Variants in E2F1 observed in about 807,000 individuals in gnomAD.
E2F1 encodes the protein E2F transcription factor 1, also known as transcription factor E2F1.
A neutral mutation model predicts 36.9 loss-of-function variants in E2F1; 7 were observed. The ratio of observed to expected loss-of-function variants is 0.19; its 90% confidence interval spans 0.11 to 0.36. The LOEUF (loss-of-function observed/expected upper bound fraction) is 0.36. Ranked by LOEUF, E2F1 falls within the 10% of genes least tolerant of loss-of-function variation. The pLI is 1.00. For synonymous variants in E2F1, 261 were observed against 263.1 expected, an observed-to-expected ratio of 0.99 and a Z score of 0.08; for missense variants, 406 against 573.6, an observed-to-expected ratio of 0.71 and a Z score of 2.99.
intron 2 of E2F1, 66 bp downstream of exon 2, chr20:33,680,260 G>A (rs1441255464): frequency 6.6e-7 from 1 of 1,517,736 alleles, no homozygotes; most frequent in African/African-American, 1.4e-5. Context: ...AAGCATGTTT[G>A]TCTGTTCACA....
intron 4 of E2F1, 23 bp from the exon 5 acceptor site, chr20:33,677,563 T>A (rs1445928283): frequency 6.3e-7 from 1 of 1,587,366 alleles, no homozygotes; most frequent in African/African-American, 1.3e-5. Context: ...AAGGACCACA[T>A]GACCTTTGAC....
chr20:33,682,150 C>T (rs1466069729), intron 1 of E2F1, among the ~76,000 whole-genome samples: 1 of 152,188 alleles, frequency 6.6e-6, no homozygotes, highest in Non-Finnish European at 1.5e-5. Context: ...ATCTCACCCT[C>T]AGAGGTGTCT....
rs554955048 is a variant in E2F1, at chr20:33,675,547, C to T, written c.*1185G>A. 3.2e-5 allele frequency: 5 copies of T among 155,434 alleles called. No individual in the cohort carries two copies. The Admixed American group carries it at 3.3e-4, about 10-fold the overall frequency. The allele number at this position is 155,434 out of a possible 1,614,324, so 9.6% of individuals were successfully genotyped here. A position where few individuals can be genotyped will look rare whatever the true frequency, so the allele number is the denominator to read the frequency against. Reference sequence around the variant, plus strand: ...AGGACCAAAACAGCGAGGAAGCTGACCTTTCTTCGAGTTATGAGGCTCAAA... The same window carrying T: ...AGGACCAAAACAGCGAGGAAGCTGATCTTTCTTCGAGTTATGAGGCTCAAA... On this transcript the variant is annotated 3_prime_UTR_variant, in exon 7 of 7. Transcript: ENST00000343380.
intron 3 of E2F1, among the ~76,000 whole-genome samples, chr20:33,678,666 A>G (rs2017988954): frequency 6.6e-6 from 1 of 152,194 alleles, no homozygotes; most frequent in African/African-American, 2.4e-5. Flanking sequence ...ATGAAAAAAA[A>G]AAAAAGGCTG....
In E2F1 at chr20:33,677,289, A is replaced by T. The variant is rs752075116; in HGVS notation, c.882T>A (p.Asp294Glu). Residue 294 changes from aspartate to glutamate, a missense_variant, in exon 6 of 7, where the codon GAT becomes GAA. This residue lies in a region of E2F1 where 93 missense variants were observed against 143.3 expected (regional missense o/e 0.65). Transcript: ENST00000343380. ...ISLKSKQGPI[D>E]VFLCPEETVG... is the part of the protein sequence containing the mutation. The stretch of plus-strand genomic sequence containing the variant: ...CGGTCTCCTCAGGGCACAGGAAAAC[A>T]TCGATCGGGCCTTGTTTGCTCTTAA... The T allele has an allele frequency of 1.9e-6, 3 of 1,614,014 alleles. No homozygotes were observed. In the South Asian group the frequency reaches 3.3e-5, roughly 18 times the overall value.
In E2F1 at chr20:33,676,872, A is replaced by C. The variant is rs2122541504; in HGVS notation, c.1174T>G (p.Ser392Ala). ...ATGAACTCCTCAGGGAGGAGGCCGG[A>C]GAAGTCCTCCCGCACATGCTCCAGG... Reference protein sequence around the residue: ...SLLEHVREDFSGLLPEEFISL... With the variant: ...SLLEHVREDFAGLLPEEFISL... The change falls in exon 7 of 7, where the codon TCC (serine) becomes GCC (alanine). Residue 392 changes from serine to alanine, a missense_variant. By Grantham distance (99) the Ser-to-Ala change is moderately conservative (BLOSUM62 1). This residue lies in a region of E2F1 where 163 missense variants were observed against 181.5 expected (regional missense o/e 0.90). Coordinates refer to ENST00000343380, the MANE Select transcript of E2F1 (RefSeq NM_005225.3). 6.3e-7 allele frequency: 1 copy of C among 1,582,062 alleles called. No individual in the cohort carries two copies. Among genetic ancestry groups the C allele is most frequent in the Middle Eastern group, 1.7e-4 (1 of 6,022 alleles).
In E2F1 at chr20:33,679,434, T is replaced by C. The variant is rs557882702; in HGVS notation, c.572+321A>G. On this transcript the variant is annotated intron_variant, in intron 3 of 6. Coordinates refer to ENST00000343380, the MANE Select transcript of E2F1 (RefSeq NM_005225.3). This position sits in a 1 kb window ranked among gnomAD's most constrained non-coding sequence, Gnocchi z 4.6. ...TGGCAGGCGCCTGTATCCCCAGCTA[T>C]TCAGGAGGCTGAGGCAGGAGAAGCA... 1.3e-5 allele frequency among the ~76,000 whole-genome samples: 2 copies of C among 152,244 alleles called. No individual in the cohort carries two copies. The highest frequency in any genetic ancestry group is 6.5e-5 in the Admixed American group (1 of 15,298).
intron 1 of E2F1, among the ~76,000 whole-genome samples, chr20:33,682,969 C>A (rs530376782): frequency 6.6e-6 from 1 of 152,284 alleles, no homozygotes; most frequent in South Asian, 2.1e-4. Flanking sequence ...TCGGGGCAGC[C>A]TCTGGAAGGA....
chr20:33,686,159 T>C lies in E2F1; in HGVS notation c.106A>G (p.Ile36Val). ...GCGCTGGCGTCCTGCGCGGCGGAGA[T>C]GATGACGATCTGCGAGGAGTCGAGC... ...RLLDSSQIVIISAAQDASAPP... is the reference protein window; with the variant it reads ...RLLDSSQIVIVSAAQDASAPP... The change falls in exon 1 of 7, where the codon ATC (isoleucine) becomes GTC (valine). Residue 36 changes from isoleucine to valine, a missense_variant. Around this residue, in one of 5 missense-constraint regions of E2F1, gnomAD observed 68 missense variants for 74.3 expected, o/e 0.92. Coordinates refer to ENST00000343380, the MANE Select transcript of E2F1 (RefSeq NM_005225.3). The C allele has an allele frequency of 9.4e-7, 1 of 1,059,628 alleles. No homozygotes were observed. 65.6% of individuals were successfully genotyped at this position (1,059,628 alleles called of 1,614,324 possible).
chr20:33,682,934 A>G (rs1200023814), intron 1 of E2F1, among the ~76,000 whole-genome samples: 1 of 152,216 alleles, frequency 6.6e-6, no homozygotes, highest in African/African-American at 2.4e-5. Flanking sequence ...TCTCTGGTTC[A>G]GTTTATATTA....
Position 33,686,375 on chromosome 20 carries a change from T to G in E2F1, c.-111A>C. ...CGCTCCGCCCCCGGCCGCCGCTGCC[T>G]GCAAAGTCCCGGCCACTTTTACGCG... On this transcript the variant is annotated 5_prime_UTR_variant, in exon 1 of 7. Coordinates refer to ENST00000343380, the MANE Select transcript of E2F1 (RefSeq NM_005225.3). The G allele has an allele frequency of 1.1e-6, 1 of 912,788 alleles. No individual in the cohort carries two copies. The highest frequency in any genetic ancestry group is 1.3e-6 in the Non-Finnish European group (1 of 763,006). 56.5% of individuals were successfully genotyped at this position (912,788 alleles called of 1,614,324 possible).
chr20:33,682,671 T>C, intron 1 of E2F1, among the ~76,000 whole-genome samples: 1 of 152,136 alleles, frequency 6.6e-6, no homozygotes, highest in Non-Finnish European at 1.5e-5. Flanking sequence ...TCTCCCTAGA[T>C]AAACACTGGC....
chr20:33,685,284 C>T (rs556879342), intron 1 of E2F1, among the ~76,000 whole-genome samples: 101 of 152,134 alleles, frequency 6.6e-4, no homozygotes, highest in Non-Finnish European at 1.3e-3. Context: ...GATGGAAGGA[C>T]AGGCAGAGGG....
chr20:33,685,723 T>C (rs966945086), intron 1 of E2F1, among the ~76,000 whole-genome samples: 6 of 152,196 alleles, frequency 3.9e-5, no homozygotes, highest in Non-Finnish European at 2.9e-5. Flanking sequence ...GCCAGTTGAA[T>C]ACACGTGGGC....
Position 33,686,377 on chromosome 20 carries a change from CAA to C in E2F1, c.-115_-114del, listed in dbSNP as rs2018070345. 1.1e-6 allele frequency: 1 copy of C among 909,410 alleles called. No individual in the cohort carries two copies. Among genetic ancestry groups the C allele is most frequent in the African/African-American group, 1.8e-5 (1 of 55,630 alleles). 56.3% of individuals were successfully genotyped at this position (909,410 alleles called of 1,614,324 possible). On this transcript the variant is annotated 5_prime_UTR_variant, in exon 1 of 7. Transcript: ENST00000343380. ...CTCCGCCCCCGGCCGCCGCTGCCTG[CAA>C]AGTCCCGGCCACTTTTACGCGCCAA...
chr20:33,680,502 T>C, intron 1 of E2F1, 86 bp from the exon 2 acceptor site: 1 of 1,176,274 alleles, frequency 8.5e-7, no homozygotes, highest in Non-Finnish European at 1.2e-6. Context: ...TGGGCTACCC[T>C]CGCCTCAGTT....
In E2F1 at chr20:33,676,889, T is replaced by C; in HGVS notation, c.1157A>G (p.His386Arg). ...GAGGCCGGAGAAGTCCTCCCGCACA[T>C]GCTCCAGGAGCGAGTCGGCCGCCAC... ...PLVAADSLLE[H>R]VREDFSGLLP... Residue 386 changes from histidine to arginine, a missense_variant, in exon 7 of 7, where the codon CAT (histidine) becomes CGT (arginine). By Grantham distance (29) the His-to-Arg change is conservative. Transcript: ENST00000343380. 1 of 1,575,394 alleles carries C rather than the reference T, an allele frequency of 6.3e-7. No homozygotes were observed. The highest frequency in any genetic ancestry group is 8.6e-7 in the Non-Finnish European group (1 of 1,159,540).
In E2F1 at chr20:33,676,886, A is replaced by C; in HGVS notation, c.1160T>G (p.Val387Gly). ...GAGGAGGCCGGAGAAGTCCTCCCGC[A>C]CATGCTCCAGGAGCGAGTCGGCCGC... ...LVAADSLLEH[V>G]REDFSGLLPE... Residue 387 changes from valine (V) to glycine (G), a missense_variant, in exon 7 of 7, where the codon GTG (valine) becomes GGG (glycine). Around this residue, in one of 5 missense-constraint regions of E2F1, gnomAD observed 163 missense variants for 181.5 expected, o/e 0.90. Transcript: ENST00000343380. 19 of 1,576,388 alleles carry C rather than the reference A, an allele frequency of 1.2e-5. No individual in the cohort carries two copies. Among genetic ancestry groups the C allele is most frequent in the Non-Finnish European group, 1.6e-5 (19 of 1,160,054 alleles).
At position 33,679,009 on chromosome 20, in the gene E2F1, G is replaced by A. The variant is rs887654782; in HGVS notation, c.573-656C>T. On this transcript the variant is annotated intron_variant, in intron 3 of 6. Transcript: ENST00000343380. The surrounding 1 kb of genome is among the most constrained non-coding windows in gnomAD (Gnocchi z 4.6). Reference sequence around the variant, plus strand: ...GGAACGATCTACCAAAAAATGAAACGGCAGGTGTATCAAAGAAAGGGTAGT... The same window carrying A: ...GGAACGATCTACCAAAAAATGAAACAGCAGGTGTATCAAAGAAAGGGTAGT... Among the ~76,000 whole-genome samples the A allele has an allele frequency of 1.3e-5, 2 of 152,200 alleles. No homozygotes were observed. Among genetic ancestry groups the A allele is most frequent in the Non-Finnish European group, 2.9e-5 (2 of 68,040 alleles).
Sources: allele counts gnomAD v4.1 joint callset (sites outside exome capture counted in the v4.1 genomes callset), GRCh38; gene constraint gnomAD v4.1.1; regional missense constraint gnomAD v4.1.1; non-coding constraint Gnocchi (gnomAD v3.1); transcripts MANE v1.5; gene names NCBI Gene and HGNC (gene_info 2026-07-23, HGNC 2026-07-21).